The following DPY19L4 variants were observed in gnomAD, a reference collection of about 807,000 sequenced individuals.
The protein encoded by DPY19L4 is probable C-mannosyltransferase DPY19L4.
A neutral mutation model predicts 102.8 loss-of-function variants in DPY19L4; 97 were observed. That is an observed-to-expected ratio of 0.94 (90% CI 0.80 to 1.12). DPY19L4 has a LOEUF of 1.12. Ranked by LOEUF, DPY19L4 falls within the 50% of genes most tolerant of loss-of-function variation. The probability of loss-of-function intolerance (pLI) is 0.00; values close to 1 mark genes in which losing one functional copy is unlikely to be tolerated. For synonymous variants in DPY19L4, 252 were observed against 283.1 expected, an observed-to-expected ratio of 0.89 and a Z score of 1.10; for missense variants, 815 against 850.4, an observed-to-expected ratio of 0.96 and a Z score of 0.52.
chr8:94,742,218 T>C (rs1401108747), intron 6 of DPY19L4, among the ~76,000 whole-genome samples: 1 of 151,754 alleles, frequency 6.6e-6, no homozygotes, highest in Non-Finnish European at 1.5e-5. Context: ...ATTAGCCAAG[T>C]GTGGTGGCGG....
intron 1 of DPY19L4, among the ~76,000 whole-genome samples, chr8:94,723,778 T>C (rs991984482): frequency 6.6e-6 from 1 of 152,270 alleles, no homozygotes; most frequent in African/African-American, 2.4e-5. Context: ...TGGTTTTTTT[T>C]CCCCTTGAAA....
rs761042818 is a variant in DPY19L4, at chr8:94,789,775, C to T, written c.2037C>T (p.Thr679=). 4.4e-6 allele frequency: 7 copies of T among 1,608,152 alleles called. No individual in the cohort carries two copies. Among genetic ancestry groups the T allele is most frequent in the Non-Finnish European group, 5.9e-6 (7 of 1,177,694 alleles). ...TTTGTGAAGAAGGTGACAAGCTAACCTACTCAAAATATGGGCGATTTTGTC... is the reference window on the plus strand; with the variant it reads ...TTTGTGAAGAAGGTGACAAGCTAACTTACTCAAAATATGGGCGATTTTGTC... ...HMVCEEGDKL[T]YSKYGRFCHE... is the part of the protein sequence containing the mutation. The change falls in exon 19 of 19, where the codon ACC becomes ACT. Residue 679 remains threonine (T), a synonymous_variant. Coordinates refer to ENST00000414645, the MANE Select transcript of DPY19L4 (RefSeq NM_181787.3).
chr8:94,781,222 T>C, intron 16 of DPY19L4, 56 bp downstream of exon 16: 1 of 1,270,546 alleles, frequency 7.9e-7, no homozygotes, highest in Non-Finnish European at 1.1e-6. Context: ...CACTGCATGC[T>C]ATCTAATGAA....
intron 6 of DPY19L4, among the ~76,000 whole-genome samples, chr8:94,750,022 C>G (rs1811849409): frequency 6.6e-6 from 1 of 152,168 alleles, no homozygotes; most frequent in African/African-American, 2.4e-5. Flanking sequence ...GTGGTGCAAT[C>G]TCAGTTCACT....
At position 94,757,117 on chromosome 8, in the gene DPY19L4, A is replaced by G. The variant is rs200575079; in HGVS notation, c.735+958A>G. Among the ~76,000 whole-genome samples the G allele has an allele frequency of 3.3e-5, 5 of 152,208 alleles. No individual in the cohort carries two copies. In the East Asian group the frequency reaches 9.6e-4, roughly 29 times the overall value. ...GACTGAATTGTAACAGTCCTTTGAT[A>G]GTCTTCTTATCTGGGGTTAAGAATT... On this transcript the variant is annotated intron_variant, in intron 7 of 18. Coordinates refer to ENST00000414645, the MANE Select transcript of DPY19L4 (RefSeq NM_181787.3).
intron 1 of DPY19L4, among the ~76,000 whole-genome samples, chr8:94,721,225 C>CG (rs1185019357): frequency 6.6e-6 from 1 of 152,194 alleles, no homozygotes; most frequent in Non-Finnish European, 1.5e-5. Context: ...GGATTACAGG[C>CG]GTGAGCCACG....
chr8:94,745,723 T>C (rs1325533871), intron 6 of DPY19L4, among the ~76,000 whole-genome samples: 1 of 152,196 alleles, frequency 6.6e-6, no homozygotes, highest in Admixed American at 6.5e-5. Context: ...AAGAGTTTGT[T>C]ACTTGGATTT....
intron 7 of DPY19L4, among the ~76,000 whole-genome samples, chr8:94,757,338 A>G (rs753170690): frequency 3.9e-5 from 6 of 152,236 alleles, no homozygotes; most frequent in Non-Finnish European, 8.8e-5. Flanking sequence ...ATGTAAAATA[A>G]CATGAACACA....
intron 13 of DPY19L4, among the ~76,000 whole-genome samples, chr8:94,775,414 C>T (rs1813133736): frequency 6.6e-6 from 1 of 152,022 alleles, no homozygotes; most frequent in Non-Finnish European, 1.5e-5. Flanking sequence ...TCAGTTGTTC[C>T]ACCCGCCTCA....
intron 10 of DPY19L4, 42 bp from the exon 11 acceptor site, chr8:94,766,570 T>C (rs759519191): frequency 6.3e-7 from 1 of 1,576,904 alleles, no homozygotes; most frequent in Non-Finnish European, 8.7e-7. Context: ...TTTGTAAGCA[T>C]AGCTAATATT....
intron 2 of DPY19L4, among the ~76,000 whole-genome samples, chr8:94,726,886 G>C (rs1810714622): frequency 6.6e-6 from 1 of 152,046 alleles, no homozygotes; most frequent in Non-Finnish European, 1.5e-5. Context: ...TAGTGGGCAG[G>C]GATATATAAG....
intron 9 of DPY19L4, 129 bp from the exon 10 acceptor site, chr8:94,765,582 A>G (rs1812639407): frequency 2.6e-6 from 2 of 771,198 alleles, no homozygotes; most frequent in Admixed American, 3.0e-5. Context: ...GTGATCCCCT[A>G]TCTTTGGTCT....
intron 13 of DPY19L4, among the ~76,000 whole-genome samples, chr8:94,775,275 T>G (rs369877252): frequency 6.6e-6 from 1 of 151,694 alleles, no homozygotes. Flanking sequence ...AGGTTCAAGC[T>G]ATTCTCCTGC....
At position 94,793,491 on chromosome 8, in the gene DPY19L4, A is replaced by G. The variant is rs1813935976; in HGVS notation, c.*3581A>G. 1 of 152,188 alleles carries G rather than the reference A, an allele frequency of 6.6e-6. No individual in the cohort carries two copies. Among genetic ancestry groups the G allele is most frequent in the Non-Finnish European group, 1.5e-5 (1 of 68,014 alleles). The allele number at this position is 152,188 out of a possible 1,614,324, so 9.4% of individuals were successfully genotyped here. ...TTTAAAGGGTGTATGTTATTAATTA[A>G]TCTGCATATTTGTAACGCAAATAAC... On this transcript the variant is annotated 3_prime_UTR_variant, in exon 19 of 19. Coordinates refer to ENST00000414645, the MANE Select transcript of DPY19L4 (RefSeq NM_181787.3).
Position 94,753,901 on chromosome 8 carries a change from A to G in DPY19L4, c.612-2135A>G, listed in dbSNP as rs537721783. ...AAAAGAAAAGAAAGTACATTGTGCTACCGGGCGTGGTAGCTCACACCTGTT... is the reference window on the plus strand; with the variant it reads ...AAAAGAAAAGAAAGTACATTGTGCTGCCGGGCGTGGTAGCTCACACCTGTT... On this transcript the variant is annotated intron_variant, in intron 6 of 18. Coordinates refer to ENST00000414645, the MANE Select transcript of DPY19L4 (RefSeq NM_181787.3). Among the ~76,000 whole-genome samples, 49 of 152,072 alleles carry G rather than the reference A, an allele frequency of 3.2e-4. 1 individual carries two copies. In the South Asian group the frequency reaches 9.8e-3, roughly 30 times the overall value.
At chr8:94,753,453 T>G (rs1812032449) in intron 6 of DPY19L4, among the ~76,000 whole-genome samples, 2 of 152,202 alleles carry the variant, frequency 1.3e-5, no homozygotes, top group South Asian at 4.1e-4. Flanking sequence ...AGTGTAATTA[T>G]TTTTTACCCT....
At chr8:94,755,242 A>G (rs1345072690) in intron 6 of DPY19L4, among the ~76,000 whole-genome samples, 3 of 152,184 alleles carry the variant, frequency 2.0e-5, no homozygotes, top group Non-Finnish European at 4.4e-5. Context: ...TATGCCACCT[A>G]CTAGCTGGAT....
At chr8:94,787,185 G>GT (rs536929402) in intron 17 of DPY19L4, among the ~76,000 whole-genome samples, 77 of 150,776 alleles carry the variant, frequency 5.1e-4, no homozygotes, top group African/African-American at 1.3e-3. Flanking sequence ...CATAGAAGTG[G>GT]TTTTTTTTTA....
intron 12 of DPY19L4, 104 bp downstream of exon 12, chr8:94,768,657 C>A: frequency 1.3e-6 from 1 of 746,850 alleles, no homozygotes; most frequent in Non-Finnish European, 1.9e-6. Flanking sequence ...TGTTTTAGAG[C>A]TTCTATTTCC....
Sources: gnomAD v4.1 joint callset for allele counts (sites outside exome capture counted in the v4.1 genomes callset) on GRCh38, gnomAD v4.1.1 for gene constraint, MANE v1.5 for transcripts, NCBI Gene and HGNC (gene_info 2026-07-23, HGNC 2026-07-21) for gene names.